PLPPR5: variants seen among roughly 807,000 people sequenced by gnomAD.
The protein encoded by PLPPR5 is phospholipid phosphatase-related protein type 5.
In PLPPR5, 16 loss-of-function variants were observed where a neutral mutation model predicts 33.9. The ratio of observed to expected loss-of-function variants is 0.47; its 90% CI spans 0.32 to 0.72. The LOEUF (loss-of-function observed/expected upper bound fraction) is 0.72, where lower values mean the gene tolerates loss of function less well. Ranked by LOEUF, PLPPR5 falls within the 30% of genes least tolerant of loss-of-function variation. The pLI, the probability that PLPPR5 is intolerant of heterozygous loss-of-function variation, is 0.03. For synonymous variants in PLPPR5, 163 were observed against 150.3 expected (o/e 1.08, Z -0.62); for missense variants, 301 against 406.7 (o/e 0.74, Z 2.23).
At chr1:98,914,758 A>G (rs770415284) in intron 5 of PLPPR5, 28 bp downstream of exon 5, 53 of 1,583,528 alleles carry the variant, frequency 3.3e-5, no homozygotes, top group Non-Finnish European at 4.4e-5. Context: ...TCTAGTTATT[A>G]TAATTTAGAA....
rs766545532 is a variant in PLPPR5, at chr1:99,004,703, G to C, written c.-32C>G. The stretch of plus-strand genomic sequence containing the variant: ...CTCCCGGGCCGGGCCGAGCCGAGCC[G>C]AGCGGGCGGTCGACGCGGTGGGCCC... On this transcript the variant is annotated 5_prime_UTR_variant, in exon 1 of 6. Coordinates refer to ENST00000263177, the MANE Select transcript of PLPPR5 (RefSeq NM_001037317.2). 6.9e-7 allele frequency: 1 copy of C among 1,453,260 alleles called. No individual in the cohort carries two copies. The highest frequency in any genetic ancestry group is 9.2e-7 in the Non-Finnish European group (1 of 1,091,090). The allele number at this position is 1,453,260 out of a possible 1,614,324, so 90.0% of individuals were successfully genotyped here. A position where few individuals can be genotyped will look rare whatever the true frequency, so the allele number is the denominator to read the frequency against.
At chr1:98,952,723 C>T (rs2101211814) in intron 3 of PLPPR5, among the ~76,000 whole-genome samples, 1 of 152,266 alleles carries the variant, frequency 6.6e-6, no homozygotes, top group African/African-American at 2.4e-5. Flanking sequence ...AGCTAAGAGG[C>T]CTAGGTAGTT....
chr1:98,898,823 T>C (rs1416001384), intron 5 of PLPPR5, among the ~76,000 whole-genome samples: 1 of 152,146 alleles, frequency 6.6e-6, no homozygotes. Flanking sequence ...GAGTTTTGTT[T>C]CCATTCAGAA....
intron 5 of PLPPR5, among the ~76,000 whole-genome samples, chr1:98,894,935 G>T (rs2101129665): frequency 6.6e-6 from 1 of 152,148 alleles, no homozygotes. Context: ...GTGTAACAAA[G>T]AAACTGTAAT....
chr1:98,992,008 G>A (rs909619780), intron 1 of PLPPR5, among the ~76,000 whole-genome samples: 3 of 152,024 alleles, frequency 2.0e-5, no homozygotes, highest in East Asian at 1.9e-4. Flanking sequence ...ATACCCACAG[G>A]TACCCTTTTA....
At chr1:98,982,875 C>T (rs72732406) in intron 1 of PLPPR5, among the ~76,000 whole-genome samples, 10,663 of 151,952 alleles carry the variant, frequency 0.07, 505 homozygotes, top group Middle Eastern at 0.096. Context: ...TGCATCAACC[C>T]GCTGTTTTTA....
At chr1:98,927,013 C>T (rs540942405) in intron 3 of PLPPR5, among the ~76,000 whole-genome samples, 1 of 152,244 alleles carries the variant, frequency 6.6e-6, no homozygotes, top group East Asian at 1.9e-4. Flanking sequence ...GGTGGAAAGA[C>T]CATGGACTTT....
At chr1:98,901,748 T>C (rs889501892) in intron 5 of PLPPR5, among the ~76,000 whole-genome samples, 5 of 152,106 alleles carry the variant, frequency 3.3e-5, no homozygotes, top group Non-Finnish European at 7.4e-5. Flanking sequence ...TTAAAAGTGT[T>C]CATGCTCTGT....
chr1:98,992,006 A>T (rs950504197), intron 1 of PLPPR5, among the ~76,000 whole-genome samples: 1 of 152,188 alleles, frequency 6.6e-6, no homozygotes, highest in African/African-American at 2.4e-5. Flanking sequence ...CCATACCCAC[A>T]GGTACCCTTT....
intron 1 of PLPPR5, among the ~76,000 whole-genome samples, chr1:98,999,299 C>A (rs912065661): frequency 6.6e-6 from 1 of 152,148 alleles, no homozygotes. Context: ...ATTTCATACT[C>A]AGTAATCCTG....
At chr1:98,971,192 G>A (rs1651645801) in intron 1 of PLPPR5, among the ~76,000 whole-genome samples, 1 of 151,996 alleles carries the variant, frequency 6.6e-6, no homozygotes, top group South Asian at 2.1e-4. Context: ...TGGTGATGGG[G>A]CAGTTTGGTG....
At chr1:98,909,052 GAAAGAAGGA>G (rs1649016313) in intron 5 of PLPPR5, among the ~76,000 whole-genome samples, 1 of 151,742 alleles carries the variant, frequency 6.6e-6, no homozygotes, top group Non-Finnish European at 1.5e-5. Flanking sequence ...TTTCATTGTA[GAAAGAAGGA>G]AAAGAAGGAA....
At chr1:98,974,661 G>A (rs2100746657) in intron 1 of PLPPR5, among the ~76,000 whole-genome samples, 1 of 152,108 alleles carries the variant, frequency 6.6e-6, no homozygotes, top group Admixed American at 6.6e-5. Flanking sequence ...TCTGAACTGA[G>A]GCAGGAGAAA....
At chr1:98,922,722 A>G (rs1270261919) in intron 3 of PLPPR5, among the ~76,000 whole-genome samples, 1 of 152,110 alleles carries the variant, frequency 6.6e-6, no homozygotes, top group Non-Finnish European at 1.5e-5. Flanking sequence ...GCGGTGGCTC[A>G]CTCCTGTAAT....
At position 98,985,460 on chromosome 1, in the gene PLPPR5, C is replaced by T. The variant is rs147273778; in HGVS notation, c.237+18975G>A. 5.4e-3 allele frequency among the ~76,000 whole-genome samples: 819 copies of T among 152,148 alleles called. 6 individuals carry two copies. Among genetic ancestry groups the T allele is most frequent in the African/African-American group, 0.019 (780 of 41,542 alleles). The stretch of plus-strand genomic sequence containing the variant: ...ATTATACCATCATAACATTGTAGCA[C>T]AACTACTTTATTTTTTAAAATAAAT... On this transcript the variant is annotated intron_variant, in intron 1 of 5. Transcript: ENST00000263177.
intron 1 of PLPPR5, among the ~76,000 whole-genome samples, chr1:98,957,079 C>T (rs968053440): frequency 1.1e-4 from 17 of 151,110 alleles, no homozygotes; most frequent in East Asian, 3.9e-4. Flanking sequence ...AGTAAACTAT[C>T]GCAAGAACAA....
chr1:98,906,313 T>C (rs997310379), intron 5 of PLPPR5, among the ~76,000 whole-genome samples: 10 of 151,386 alleles, frequency 6.6e-5, no homozygotes, highest in Non-Finnish European at 1.2e-4. Context: ...ATATACTGTA[T>C]AACAACCCAA....
chr1:98,959,267 C>A (rs1338231499), intron 1 of PLPPR5, among the ~76,000 whole-genome samples: 2 of 152,156 alleles, frequency 1.3e-5, no homozygotes, highest in Admixed American at 6.5e-5. Context: ...GCCACTTTTC[C>A]CGGGGCTCTC....
chr1:98,924,737 C>A (rs955184016), intron 3 of PLPPR5, among the ~76,000 whole-genome samples: 1 of 152,054 alleles, frequency 6.6e-6, no homozygotes, highest in Non-Finnish European at 1.5e-5. Flanking sequence ...TCGAGTTGAT[C>A]GTTAAATTGC....
Sources: allele counts gnomAD v4.1 joint callset (sites outside exome capture counted in the v4.1 genomes callset), GRCh38; gene constraint gnomAD v4.1.1; transcripts MANE v1.5; gene names NCBI Gene and HGNC (gene_info 2026-07-23, HGNC 2026-07-21).